ATXN10: variants seen among roughly 807,000 people sequenced by gnomAD.
ATXN10 encodes the protein ataxin 10, also known as ataxin-10.
A neutral mutation model predicts 52.9 loss-of-function variants in ATXN10; 28 were observed. That is an observed-to-expected ratio of 0.53 (90% CI 0.39 to 0.73). ATXN10 has a LOEUF of 0.73. ATXN10 is among the 30% of genes least tolerant of loss of function. ATXN10 has a pLI of 0.00. For missense variants in ATXN10, 565 were observed against 577.0 expected, an observed-to-expected ratio of 0.98 and a Z score of 0.21; for synonymous variants, 226 against 221.5, an observed-to-expected ratio of 1.02 and a Z score of -0.18.
rs867021068 is a variant in ATXN10, at chr22:45,766,311, A to G, written c.1173+25773A>G. The stretch of plus-strand genomic sequence containing the variant: ...ATTAGAGTCTCACAGGAGCGTGAAT[A>G]CTGTTGTGAACTGTGCATGCGAGGG... On this transcript the variant is annotated intron_variant, in intron 9 of 11. Coordinates refer to ENST00000252934, the MANE Select transcript of ATXN10 (RefSeq NM_013236.4). The surrounding 1 kb of genome is among the most constrained non-coding windows in gnomAD (Gnocchi z 4.6). Among the ~76,000 whole-genome samples, 3 of 152,236 alleles carry G rather than the reference A, an allele frequency of 2.0e-5. No individual in the cohort carries two copies. The highest frequency in any genetic ancestry group is 4.1e-4 in the South Asian group (2 of 4,824).
chr22:45,690,573 T>C lies in ATXN10; in HGVS notation c.308+670T>C, dbSNP rs1222420606. On this transcript the variant is annotated intron_variant, in intron 2 of 11. Transcript: ENST00000252934. This position sits in a 1 kb window ranked among gnomAD's most constrained non-coding sequence, Gnocchi z 4.5. ...GCAGTTCTTGACCTCAGGTTGTAAA[T>C]GTTTTAATTACTTTTAATGTTTTAA... 6.6e-6 allele frequency among the ~76,000 whole-genome samples: 1 copy of C among 152,248 alleles called. No individual in the cohort carries two copies. The highest frequency in any genetic ancestry group is 1.9e-4 in the East Asian group (1 of 5,208).
At chr22:45,751,760 AAAAAATAATAAT>A (rs1241974484) in intron 9 of ATXN10, among the ~76,000 whole-genome samples, 17 of 63,166 alleles carry the variant, frequency 2.7e-4, no homozygotes, top group African/African-American at 8.7e-4. Context: ...AAAAATAAAA[AAAAAATAATAAT>A]AATAATAATA....
rs1005358784 is a variant in ATXN10 at position 45,776,199 on chromosome 22, C to T, written c.1174-30760C>T. On this transcript the variant is annotated intron_variant, in intron 9 of 11. Coordinates refer to ENST00000252934, the MANE Select transcript of ATXN10 (RefSeq NM_013236.4). ...GTGTAAAGGCTTCAGTGATTGTTTC[C>T]ATTTCTTTCTGTCTAAAACTTAATG... Among the ~76,000 whole-genome samples, 8 of 152,276 alleles carry T rather than the reference C, an allele frequency of 5.3e-5. No individual in the cohort carries two copies. In the East Asian group the frequency reaches 1.5e-3, roughly 29 times the overall value.
In ATXN10 at chr22:45,772,873, A is replaced by G. The variant is rs1195027149; in HGVS notation, c.1173+32335A>G. Among the ~76,000 whole-genome samples, 1 of 152,228 alleles carries G rather than the reference A, an allele frequency of 6.6e-6. No individual in the cohort carries two copies. The highest frequency in any genetic ancestry group is 1.9e-4 in the East Asian group (1 of 5,204). ...AATAGATGTTGAAGTCCCTGATACAAAATGGTATGGTATTTGCATATCACC... is the reference window on the plus strand; with the variant it reads ...AATAGATGTTGAAGTCCCTGATACAGAATGGTATGGTATTTGCATATCACC... On this transcript the variant is annotated intron_variant, in intron 9 of 11. Transcript: ENST00000252934. The surrounding 1 kb of genome is among the most constrained non-coding windows in gnomAD (Gnocchi z 4.1).
rs1052821676 is a variant in ATXN10, at chr22:45,757,426, G to T, written c.1173+16888G>T. Among the ~76,000 whole-genome samples the T allele has an allele frequency of 6.6e-6, 1 of 152,158 alleles. No homozygotes were observed. Among genetic ancestry groups the T allele is most frequent in the Non-Finnish European group, 1.5e-5 (1 of 68,020 alleles). Reference sequence around the variant, plus strand: ...GACAGAAAATGCCTGAGGCTCCGAGGTGGGAGCCCAGGCTGGGATTCAGGA... The same window carrying T: ...GACAGAAAATGCCTGAGGCTCCGAGTTGGGAGCCCAGGCTGGGATTCAGGA... On this transcript the variant is annotated intron_variant, in intron 9 of 11. Transcript: ENST00000252934. This position sits in a 1 kb window ranked among gnomAD's most constrained non-coding sequence, Gnocchi z 4.6.
At chr22:45,808,151 G>A (rs970464348) in intron 10 of ATXN10, among the ~76,000 whole-genome samples, 2 of 152,110 alleles carry the variant, frequency 1.3e-5, no homozygotes, top group Non-Finnish European at 2.9e-5. Flanking sequence ...TTTAGTGCGT[G>A]GCATTATCAT....
At chr22:45,797,060 A>G (rs1326519351) in intron 9 of ATXN10, among the ~76,000 whole-genome samples, 1 of 152,246 alleles carries the variant, frequency 6.6e-6, no homozygotes, top group African/African-American at 2.4e-5. Context: ...CATTGCTAAT[A>G]GCAGAATTTC....
rs1455446603 is a variant in ATXN10 at position 45,712,063 on chromosome 22, C to T, written c.648-6350C>T. 6.6e-6 allele frequency among the ~76,000 whole-genome samples: 1 copy of T among 152,126 alleles called. No homozygotes were observed. The highest frequency in any genetic ancestry group is 2.4e-5 in the African/African-American group (1 of 41,410). On this transcript the variant is annotated intron_variant, in intron 5 of 11. Coordinates refer to ENST00000252934, the MANE Select transcript of ATXN10 (RefSeq NM_013236.4). This position sits in a 1 kb window ranked among gnomAD's most constrained non-coding sequence, Gnocchi z 4.6. ...TATTGAGAAGTTTGGGAATTAGAAACAAAGAGGTAATAACCAGATGGATGT... is the reference window on the plus strand; with the variant it reads ...TATTGAGAAGTTTGGGAATTAGAAATAAAGAGGTAATAACCAGATGGATGT...
chr22:45,677,242 T>C lies in ATXN10; in HGVS notation c.116+5063T>C, dbSNP rs956698829. 6.6e-6 allele frequency: 1 copy of C among 152,250 alleles called. No homozygotes were observed. Among genetic ancestry groups the C allele is most frequent in the Non-Finnish European group, 1.5e-5 (1 of 68,044 alleles). 9.4% of individuals were successfully genotyped at this position (152,250 alleles called of 1,614,324 possible). A position where few individuals can be genotyped will look rare whatever the true frequency, so the allele number is the denominator to read the frequency against. Reference sequence around the variant, plus strand: ...TCTTCCACCTGATGAGCTTCTTGAATGAAGTGGGCACATCACATTCACTGT... The same window carrying C: ...TCTTCCACCTGATGAGCTTCTTGAACGAAGTGGGCACATCACATTCACTGT... On this transcript the variant is annotated intron_variant, in intron 1 of 11. Coordinates refer to ENST00000252934, the MANE Select transcript of ATXN10 (RefSeq NM_013236.4). The surrounding 1 kb of genome is among the most constrained non-coding windows in gnomAD (Gnocchi z 4.1).
intron 6 of ATXN10, among the ~76,000 whole-genome samples, chr22:45,726,295 T>G (rs895404048): frequency 6.6e-6 from 1 of 152,046 alleles, no homozygotes; most frequent in African/African-American, 2.4e-5. Context: ...GGCCCTGGGT[T>G]TTTTGTTTTT....
chr22:45,736,929 A>G (rs1925319737), intron 7 of ATXN10, among the ~76,000 whole-genome samples: 1 of 152,134 alleles, frequency 6.6e-6, no homozygotes, highest in South Asian at 2.1e-4. Context: ...ATTAGCAGGA[A>G]TATTTTTTAA....
In ATXN10 at chr22:45,843,873, CTG is replaced by C. The variant is rs1929429214; in HGVS notation, c.*207_*208del. 3.2e-6 allele frequency: 2 copies of C among 615,848 alleles called. No homozygotes were observed. Among genetic ancestry groups the C allele is most frequent in the African/African-American group, 1.8e-5 (1 of 54,054 alleles). 38.1% of individuals were successfully genotyped at this position (615,848 alleles called of 1,614,324 possible). On this transcript the variant is annotated 3_prime_UTR_variant, in exon 12 of 12. Coordinates refer to ENST00000252934, the MANE Select transcript of ATXN10 (RefSeq NM_013236.4). This position sits in a 1 kb window ranked among gnomAD's most constrained non-coding sequence, Gnocchi z 4.5. ...CTCTTGTTTCTTTGCATTAATGTAA[CTG>C]TGTGGTTTGCCTTTGTCCCCCTGGA...
intron 9 of ATXN10, among the ~76,000 whole-genome samples, chr22:45,742,141 A>G: frequency 6.6e-6 from 1 of 152,154 alleles, no homozygotes; most frequent in Non-Finnish European, 1.5e-5. Context: ...TAGAGTTTAT[A>G]GTATTAAGTC....
chr22:45,768,464 G>A (rs764445862), intron 9 of ATXN10, among the ~76,000 whole-genome samples: 9 of 152,118 alleles, frequency 5.9e-5, no homozygotes, highest in Admixed American at 1.3e-4. Flanking sequence ...CCCATAGTTC[G>A]TAATGATGCT....
chr22:45,732,931 T>C lies in ATXN10; in HGVS notation c.894+3341T>C, dbSNP rs960217292. On this transcript the variant is annotated intron_variant, in intron 7 of 11. Transcript: ENST00000252934. The surrounding 1 kb of genome is among the most constrained non-coding windows in gnomAD (Gnocchi z 4.5). ...GTGAGAATGGAAACAGTTGTATTTA[T>C]AGCATGTGTTTTTTAATTTATGTAA... Among the ~76,000 whole-genome samples, 1 of 152,242 alleles carries C rather than the reference T, an allele frequency of 6.6e-6. No homozygotes were observed. The highest frequency in any genetic ancestry group is 2.4e-5 in the African/African-American group (1 of 41,470).
intron 9 of ATXN10, among the ~76,000 whole-genome samples, chr22:45,799,469 C>G (rs546990905): frequency 6.6e-5 from 10 of 151,972 alleles, no homozygotes; most frequent in Non-Finnish European, 1.0e-4. Flanking sequence ...TGAGTGGTGT[C>G]CTTATAAAAA....
rs1480799582 is a variant in ATXN10, at chr22:45,715,594, ATTC to A, written c.648-2812_648-2810del. The stretch of plus-strand genomic sequence containing the variant: ...TATATTTTATCTGTGCCCCAAGACA[ATTC>A]TTCTTCCAGTGTGGCCCAGGGAAGC... On this transcript the variant is annotated intron_variant, in intron 5 of 11. Coordinates refer to ENST00000252934, the MANE Select transcript of ATXN10 (RefSeq NM_013236.4). The surrounding 1 kb of genome is among the most constrained non-coding windows in gnomAD (Gnocchi z 4.4). Among the ~76,000 whole-genome samples the A allele has an allele frequency of 1.3e-5, 2 of 152,186 alleles. No individual in the cohort carries two copies. Among genetic ancestry groups the A allele is most frequent in the Non-Finnish European group, 2.9e-5 (2 of 68,042 alleles).
chr22:45,675,750 C>T (rs140055134), intron 1 of ATXN10: 1 of 152,172 alleles, frequency 6.6e-6, no homozygotes. Context: ...AAATTTTGGG[C>T]TAATTTGCTA....
chr22:45,673,087 T>G (rs1922536240), intron 1 of ATXN10: 1 of 152,222 alleles, frequency 6.6e-6, no homozygotes, highest in Non-Finnish European at 1.5e-5. Context: ...AAGGAGTAAA[T>G]GAGATATAAT....
Sources: gnomAD v4.1 joint callset for allele counts (sites outside exome capture counted in the v4.1 genomes callset) on GRCh38, gnomAD v4.1.1 for gene constraint, Gnocchi (gnomAD v3.1) non-coding constraint, MANE v1.5 for transcripts, NCBI Gene and HGNC (gene_info 2026-07-23, HGNC 2026-07-21) for gene names.